The following DEPDC1B variants were observed in gnomAD, a reference collection of about 807,000 sequenced individuals.
DEPDC1B encodes DEP domain-containing protein 1B.
Under a neutral mutation model 66.5 loss-of-function variants are expected in DEPDC1B, and 51 were observed. The observed-to-expected ratio is 0.77, with a 90% CI of 0.61 to 0.97. The LOEUF (loss-of-function observed/expected upper bound fraction) is 0.97. Ranked by LOEUF, DEPDC1B falls within the 50% of genes least tolerant of loss-of-function variation. DEPDC1B has a pLI of 0.00. For missense variants in DEPDC1B, 552 were observed against 637.1 expected, an observed-to-expected ratio of 0.87 and a Z score of 1.44; for synonymous variants, 226 against 223.6, an observed-to-expected ratio of 1.01 and a Z score of -0.10.
chr5:60,662,051 T>C (rs924971763), intron 2 of DEPDC1B, among the ~76,000 whole-genome samples: 3 of 151,948 alleles, frequency 2.0e-5, no homozygotes, highest in African/African-American at 7.3e-5. Context: ...GGCCAACTAA[T>C]CTTAAAGGAT....
At chr5:60,603,844 T>C (rs549630910) in intron 8 of DEPDC1B, among the ~76,000 whole-genome samples, 1 of 150,734 alleles carries the variant, frequency 6.6e-6, no homozygotes, top group African/African-American at 2.4e-5. Flanking sequence ...TATATATATA[T>C]ATACACACAC....
chr5:60,597,797 T>C lies in DEPDC1B; in HGVS notation c.1546A>G (p.Lys516Glu). Residue 516 changes from lysine (K) to glutamate (E), a missense_variant, in exon 11 of 11, where the codon AAG (lysine) becomes GAG (glutamate). By Grantham distance (56) the Lys-to-Glu change is moderately conservative. Transcript: ENST00000265036. ...GTTCTTTGAAATGGTTGGAAAGGCT[T>C]CTTTAGTGCCCACATTAGCAGCTGT... ...KPQLLMWALK[K>E]PFQPFQRTRS... is the part of the protein sequence containing the mutation. The C allele has an allele frequency of 6.2e-7, 1 of 1,613,398 alleles. No individual in the cohort carries two copies. The highest frequency in any genetic ancestry group is 8.5e-7 in the Non-Finnish European group (1 of 1,179,654).
intron 6 of DEPDC1B, 106 bp downstream of exon 6, chr5:60,642,706 C>G (rs1340064919): frequency 1.3e-6 from 1 of 750,786 alleles, no homozygotes; most frequent in African/African-American, 1.8e-5. Context: ...AACTGCCAGT[C>G]TCACAGGTGT....
intron 6 of DEPDC1B, among the ~76,000 whole-genome samples, chr5:60,639,824 C>T (rs991072844): frequency 1.3e-5 from 2 of 152,190 alleles, no homozygotes; most frequent in Non-Finnish European, 2.9e-5. Flanking sequence ...TCCATTACAG[C>T]ATGGAAGAAA....
intron 2 of DEPDC1B, among the ~76,000 whole-genome samples, chr5:60,677,578 C>T (rs1377969889): frequency 6.6e-6 from 1 of 151,712 alleles, no homozygotes; most frequent in African/African-American, 2.4e-5. Flanking sequence ...TCTCTGTCAC[C>T]CAGGCTGAAG....
At chr5:60,677,326 A>ACTCTCT (rs70975391) in intron 2 of DEPDC1B, among the ~76,000 whole-genome samples, 2,646 of 108,376 alleles carry the variant, frequency 0.024, 47 homozygotes, top group South Asian at 0.036. Flanking sequence ...ACACACACAC[A>ACTCTCT]CTCTCTCTCT....
intron 2 of DEPDC1B, among the ~76,000 whole-genome samples, chr5:60,684,819 T>C (rs771812195): frequency 1.3e-5 from 2 of 152,138 alleles, no homozygotes; most frequent in African/African-American, 2.4e-5. Context: ...GAGAAAATAT[T>C]TGAAAACTAT....
intron 2 of DEPDC1B, among the ~76,000 whole-genome samples, chr5:60,677,332 TCTCTCTC>T: frequency 8.8e-6 from 1 of 114,222 alleles, no homozygotes; most frequent in Non-Finnish European, 2.1e-5. Flanking sequence ...ACACACTCTC[TCTCTCTC>T]TCTCTCTCTC....
intron 2 of DEPDC1B, among the ~76,000 whole-genome samples, chr5:60,685,921 T>C (rs893464751): frequency 1.3e-5 from 2 of 152,184 alleles, no homozygotes; most frequent in African/African-American, 4.8e-5. Context: ...GACAGATGAC[T>C]AATTGCCCAG....
chr5:60,621,954 A>T (rs1752713237), intron 7 of DEPDC1B, among the ~76,000 whole-genome samples: 1 of 152,076 alleles, frequency 6.6e-6, no homozygotes, highest in Admixed American at 6.6e-5. Context: ...TACCTTTAGG[A>T]TATTGGCAAT....
intron 2 of DEPDC1B, among the ~76,000 whole-genome samples, chr5:60,679,392 AG>A (rs1180673696): frequency 1.3e-5 from 2 of 152,214 alleles, no homozygotes; most frequent in Non-Finnish European, 2.9e-5. Context: ...ATCTGGCGAT[AG>A]CTACATAACA....
intron 2 of DEPDC1B, among the ~76,000 whole-genome samples, chr5:60,686,349 C>T (rs1754412687): frequency 6.6e-6 from 1 of 152,142 alleles, no homozygotes; most frequent in Admixed American, 6.5e-5. Flanking sequence ...CCTCCACCTC[C>T]AGCAATAAAA....
chr5:60,663,374 G>A (rs1753765504), intron 2 of DEPDC1B, among the ~76,000 whole-genome samples: 1 of 152,106 alleles, frequency 6.6e-6, no homozygotes, highest in Non-Finnish European at 1.5e-5. Flanking sequence ...CCAATTTTAG[G>A]AGTACAGAAA....
intron 1 of DEPDC1B, among the ~76,000 whole-genome samples, chr5:60,695,448 T>G (rs979353865): frequency 1.3e-5 from 2 of 152,194 alleles, no homozygotes; most frequent in Non-Finnish European, 2.9e-5. Flanking sequence ...GAATACTCAC[T>G]CATTGTCATG....
intron 7 of DEPDC1B, among the ~76,000 whole-genome samples, chr5:60,636,385 A>C (rs1753044593): frequency 6.6e-6 from 1 of 151,850 alleles, no homozygotes; most frequent in South Asian, 2.1e-4. Context: ...ACCGTGCCAC[A>C]AGCAAAGGAA....
rs1313845259 is a variant in DEPDC1B, at chr5:60,602,372, A to C, written c.1242+1019T>G. On this transcript the variant is annotated intron_variant, in intron 9 of 10. Transcript: ENST00000265036. ...ATGTGTTAGGTTGATAATTGCAAAA[A>C]AATAGAAAAAATTTTAATTTTAAAA... Among the ~76,000 whole-genome samples the C allele has an allele frequency of 2.0e-5, 3 of 152,292 alleles. No individual in the cohort carries two copies. The East Asian group carries it at 5.8e-4, about 29-fold the overall frequency.
At chr5:60,613,855 A>G (rs937777580) in intron 7 of DEPDC1B, among the ~76,000 whole-genome samples, 15 of 147,822 alleles carry the variant, frequency 1.0e-4, no homozygotes, top group African/African-American at 3.5e-4. Context: ...ATGTAGGGTC[A>G]TTGTTTTGCC....
intron 2 of DEPDC1B, among the ~76,000 whole-genome samples, chr5:60,660,863 A>C (rs888738614): frequency 6.6e-6 from 1 of 152,244 alleles, no homozygotes; most frequent in Admixed American, 6.5e-5. Flanking sequence ...CTCCCTTCAG[A>C]AAAGGAGGAC....
chr5:60,661,670 T>C (rs1348130372), intron 2 of DEPDC1B, among the ~76,000 whole-genome samples: 1 of 152,206 alleles, frequency 6.6e-6, no homozygotes, highest in Admixed American at 6.5e-5. Context: ...ATGTTACTGC[T>C]AGATCAGATA....
Sources: gnomAD v4.1 joint callset for allele counts (sites outside exome capture counted in the v4.1 genomes callset) on GRCh38, gnomAD v4.1.1 for gene constraint, MANE v1.5 for transcripts, NCBI Gene and HGNC (gene_info 2026-07-23, HGNC 2026-07-21) for gene names.